AAK1: variants seen among roughly 807,000 people sequenced by gnomAD.
AAK1 encodes the protein AP2-associated protein kinase 1.
A neutral mutation model predicts 116.0 loss-of-function variants in AAK1; 37 were observed. That is an observed-to-expected ratio of 0.32 (90% confidence interval 0.25 to 0.42). The LOEUF (loss-of-function observed/expected upper bound fraction) is 0.42. AAK1 is among the 10% of genes least tolerant of loss of function. The pLI is 1.00. For synonymous variants in AAK1, 458 were observed against 439.9 expected, an observed-to-expected ratio of 1.04 and a Z score of -0.51; for missense variants, 919 against 1,170.6, an observed-to-expected ratio of 0.79 and a Z score of 3.14.
intron 2 of AAK1, among the ~76,000 whole-genome samples, chr2:69,574,606 G>A (rs952709423): frequency 6.6e-6 from 1 of 150,774 alleles, no homozygotes. Flanking sequence ...GAGAGAGAGA[G>A]AGATATTTGG....
intron 2 of AAK1, among the ~76,000 whole-genome samples, chr2:69,627,453 G>A (rs1674959020): frequency 6.6e-6 from 1 of 152,170 alleles, no homozygotes; most frequent in African/African-American, 2.4e-5. Context: ...CAGCCTCTAT[G>A]AAGTGGGATT....
chr2:69,627,458 G>A (rs750154445), intron 2 of AAK1, among the ~76,000 whole-genome samples: 1 of 152,108 alleles, frequency 6.6e-6, no homozygotes, highest in Admixed American at 6.6e-5. Context: ...TCTATGAAGT[G>A]GGATTTAAGT....
In AAK1 at chr2:69,478,906, C is replaced by A. The variant is rs1674971733; in HGVS notation, c.2680+45G>T. 7 of 1,466,374 alleles carry A rather than the reference C, an allele frequency of 4.8e-6. 1 individual carries two copies. The South Asian group carries it at 8.1e-5, about 17-fold the overall frequency. The allele number at this position is 1,466,374 out of a possible 1,614,324, so 90.8% of individuals were successfully genotyped here. On this transcript the variant is annotated intron_variant, in intron 20 of 21. Coordinates refer to ENST00000409085, the MANE Select transcript of AAK1 (RefSeq NM_014911.5). ...ACTTTCAAAAGTTGTTTAGTTCTTT[C>A]CCCTCTAAGGACACATGTGGGCCTG...
In AAK1 at chr2:69,464,977, C is replaced by T. The variant is rs997497176; in HGVS notation, c.*10892G>A. 2.6e-5 allele frequency: 4 copies of T among 156,672 alleles called. No individual in the cohort carries two copies. Among genetic ancestry groups the T allele is most frequent in the Middle Eastern group, 3.4e-3 (1 of 296 alleles). 9.7% of individuals were successfully genotyped at this position (156,672 alleles called of 1,614,324 possible). ...TCTCCCCTTTTCAAGAGTACTAAAT[C>T]TTGATTTAGTGGAGGGACTAATCTT... On this transcript the variant is annotated 3_prime_UTR_variant, in exon 22 of 22. Coordinates refer to ENST00000409085, the MANE Select transcript of AAK1 (RefSeq NM_014911.5).
chr2:69,538,222 C>T (rs1011685911), intron 5 of AAK1, among the ~76,000 whole-genome samples: 1 of 152,262 alleles, frequency 6.6e-6, no homozygotes, highest in Non-Finnish European at 1.5e-5. Flanking sequence ...CACTGAGGTG[C>T]AAGGGGTAAA....
chr2:69,473,270 AAGAGGATGGTGGACT>A lies in AAK1; in HGVS notation c.*2584_*2598del, dbSNP rs1674739910. The A allele has an allele frequency of 1.0e-6, 1 of 970,604 alleles. No individual in the cohort carries two copies. Among genetic ancestry groups the A allele is most frequent in the African/African-American group, 1.8e-5 (1 of 56,980 alleles). The allele number at this position is 970,604 out of a possible 1,614,324, so 60.1% of individuals were successfully genotyped here. A position where few individuals can be genotyped will look rare whatever the true frequency, so the allele number is the denominator to read the frequency against. On this transcript the variant is annotated 3_prime_UTR_variant, in exon 22 of 22. Coordinates refer to ENST00000409085, the MANE Select transcript of AAK1 (RefSeq NM_014911.5). ...GCTCAGGTCCCACACCTGTAAAATG[AAGAGGATGGTGGACT>A]AGAGGATGGTCTCAAAGGTCCCTTT...
At chr2:69,557,040 G>C (rs1671412715) in intron 2 of AAK1, 62 bp from the exon 3 acceptor site, 1 of 1,312,620 alleles carries the variant, frequency 7.6e-7, no homozygotes, top group Non-Finnish European at 1.1e-6. Flanking sequence ...CCACATAACT[G>C]TGGTGGCTGG....
intron 2 of AAK1, chr2:69,595,050 G>A (rs749202138): frequency 2.0e-5 from 15 of 733,092 alleles, no homozygotes; most frequent in African/African-American, 3.4e-5. Context: ...TTTTAGGAAC[G>A]TTCACCATGT....
chr2:69,582,546 T>C (rs1373161995), intron 2 of AAK1, among the ~76,000 whole-genome samples: 8 of 152,142 alleles, frequency 5.3e-5, no homozygotes, highest in Non-Finnish European at 8.8e-5. Context: ...ACTTTGCAAA[T>C]TCCTGTCCCC....
chr2:69,529,190 C>T (rs1670141847), intron 8 of AAK1, among the ~76,000 whole-genome samples: 1 of 152,116 alleles, frequency 6.6e-6, no homozygotes. Context: ...ATAAGTAGGC[C>T]CTCAACAAAT....
chr2:69,473,887 C>G lies in AAK1; in HGVS notation c.*1982G>C. On this transcript the variant is annotated 3_prime_UTR_variant, in exon 22 of 22. Transcript: ENST00000409085. ...TTTTCCTGTCCATAAAGGGGTAAAC[C>G]AAGTCCTATTTTCACTGCTATCCAA... 1 of 985,580 alleles carries G rather than the reference C, an allele frequency of 1.0e-6. No individual in the cohort carries two copies. Among genetic ancestry groups the G allele is most frequent in the South Asian group, 4.7e-5 (1 of 21,264 alleles). The allele number at this position is 985,580 out of a possible 1,614,324, so 61.1% of individuals were successfully genotyped here.
At position 69,487,831 on chromosome 2, in the gene AAK1, C is replaced by T. The variant is rs557392429; in HGVS notation, c.2366-5019G>A. 2.7e-5 allele frequency among the ~76,000 whole-genome samples: 4 copies of T among 148,796 alleles called. No homozygotes were observed. In the East Asian group the frequency reaches 5.9e-4, roughly 22 times the overall value. On this transcript the variant is annotated intron_variant, in intron 17 of 21. Transcript: ENST00000409085. The stretch of plus-strand genomic sequence containing the variant: ...TGAGACAGAGTTTCACTCTTGTTGC[C>T]CAGGCTGGAGTGCAATGGCGCGATC...
At chr2:69,531,920 G>A (rs901583498) in intron 6 of AAK1, 121 bp downstream of exon 6, 112 of 1,455,946 alleles carry the variant, frequency 7.7e-5, no homozygotes, top group Non-Finnish European at 1.0e-4. Context: ...ATGATGCTCT[G>A]AGATGAAGGA....
intron 2 of AAK1, among the ~76,000 whole-genome samples, chr2:69,629,451 C>T (rs975491701): frequency 3.4e-4 from 52 of 152,252 alleles, no homozygotes; most frequent in African/African-American, 1.2e-3. Context: ...TGGTACCAGA[C>T]GCCAATAATT....
At chr2:69,636,096 A>G (rs1222970324) in intron 2 of AAK1, among the ~76,000 whole-genome samples, 1 of 152,188 alleles carries the variant, frequency 6.6e-6, no homozygotes, top group Admixed American at 6.5e-5. Context: ...GCACACTGAG[A>G]TATACTATAG....
At chr2:69,607,246 T>G (rs774146018) in intron 2 of AAK1, among the ~76,000 whole-genome samples, 1 of 151,884 alleles carries the variant, frequency 6.6e-6, no homozygotes, top group Admixed American at 6.6e-5. Flanking sequence ...CATGGGGCTA[T>G]TTGGAGGAAG....
chr2:69,622,249 G>A (rs925665855), intron 2 of AAK1, among the ~76,000 whole-genome samples: 2 of 152,238 alleles, frequency 1.3e-5, no homozygotes, highest in African/African-American at 4.8e-5. Context: ...TTTCTGGCCG[G>A]GCCTTAGCTG....
intron 13 of AAK1, among the ~76,000 whole-genome samples, chr2:69,513,325 CTTTTT>C (rs374957512): frequency 6.9e-6 from 1 of 145,808 alleles, no homozygotes; most frequent in African/African-American, 2.5e-5. Flanking sequence ...AAGATGGTTT[CTTTTT>C]TTTTTTTGAG....
chr2:69,539,415 AC>A (rs1670610064), intron 5 of AAK1, among the ~76,000 whole-genome samples: 1 of 143,744 alleles, frequency 7.0e-6, no homozygotes, highest in Non-Finnish European at 1.5e-5. Flanking sequence ...GGGGTGCAGA[AC>A]GGGGGCTACA....
Sources: gnomAD v4.1 joint callset for allele counts (sites outside exome capture counted in the v4.1 genomes callset) on GRCh38, gnomAD v4.1.1 for gene constraint, MANE v1.5 for transcripts, NCBI Gene and HGNC (gene_info 2026-07-23, HGNC 2026-07-21) for gene names.